The following TPRA1 variants were observed in gnomAD, a reference collection of about 807,000 sequenced individuals.
The protein encoded by TPRA1 is transmembrane protein adipocyte associated 1.
In TPRA1, 28 loss-of-function variants were observed where a neutral mutation model predicts 40.1. The ratio of observed to expected loss-of-function variants is 0.70; its 90% CI spans 0.52 to 0.96. The LOEUF is 0.96. Ranked by LOEUF, TPRA1 falls within the 40% of genes least tolerant of loss-of-function variation. The probability of loss-of-function intolerance (pLI) is 0.00; values close to 1 mark genes in which losing one functional copy is unlikely to be tolerated. For missense variants in TPRA1, 441 were observed against 482.6 expected, an observed-to-expected ratio of 0.91 and a Z score of 0.81; for synonymous variants, 219 against 209.7, an observed-to-expected ratio of 1.04 and a Z score of -0.38.
chr3:127,581,456 G>A (rs1361818475), intron 1 of TPRA1, among the ~76,000 whole-genome samples: 2 of 152,200 alleles, frequency 1.3e-5, no homozygotes, highest in African/African-American at 2.4e-5. Flanking sequence ...CAGACAGGGC[G>A]CCTTTGGGGA....
chr3:127,587,682 T>A, intron 1 of TPRA1, among the ~76,000 whole-genome samples: 1 of 150,936 alleles, frequency 6.6e-6, no homozygotes, highest in Non-Finnish European at 1.5e-5. Flanking sequence ...TTTCTTTTTT[T>A]TTTTTTTTTT....
chr3:127,577,362 A>G (rs771077546), intron 3 of TPRA1, among the ~76,000 whole-genome samples: 2 of 152,184 alleles, frequency 1.3e-5, no homozygotes, highest in Admixed American at 6.5e-5. Context: ...AGGAGTGCGC[A>G]TGGTGGAGCC....
chr3:127,589,937 G>A (rs2074117728), intron 1 of TPRA1, among the ~76,000 whole-genome samples: 1 of 152,216 alleles, frequency 6.6e-6, no homozygotes, highest in South Asian at 2.1e-4. Flanking sequence ...GCCCCCACCT[G>A]CATTCCCCGA....
At chr3:127,591,428 C>CT (rs901343001), upstream of TPRA1, among the ~76,000 whole-genome samples, 7 of 152,356 alleles carry the variant, frequency 4.6e-5, no homozygotes, top group South Asian at 6.2e-4. Context: ...CTCCCCAACT[C>CT]TAACTTCCAC....
rs967058188 is a variant in TPRA1, at chr3:127,576,158, A to G, written c.499-108T>C. ...CTAAGCTCTCCACCACACCAAGTTC[A>G]GCCTCTTGGCCTGACCCTCAACTCA... On this transcript the variant is annotated intron_variant, in intron 6 of 10. Transcript: ENST00000355552. This position sits in a 1 kb window ranked among gnomAD's most constrained non-coding sequence, Gnocchi z 4.6. 4 of 873,682 alleles carry G rather than the reference A, an allele frequency of 4.6e-6. No homozygotes were observed. Among genetic ancestry groups the G allele is most frequent in the Non-Finnish European group, 7.4e-6 (4 of 543,356 alleles). 54.1% of individuals were successfully genotyped at this position (873,682 alleles called of 1,614,324 possible). A position where few individuals can be genotyped will look rare whatever the true frequency, so the allele number is the denominator to read the frequency against.
chr3:127,581,982 G>A (rs1576381914), intron 1 of TPRA1, among the ~76,000 whole-genome samples: 1 of 151,932 alleles, frequency 6.6e-6, no homozygotes, highest in East Asian at 1.9e-4. Flanking sequence ...AAAGGCCCAG[G>A]CCTCCCCTTC....
chr3:127,593,518 G>A (rs1271934165), upstream of TPRA1, among the ~76,000 whole-genome samples: 3 of 152,122 alleles, frequency 2.0e-5, no homozygotes, highest in African/African-American at 7.2e-5. Context: ...GGGTGAGAGT[G>A]ATGGTAGTAA....
chr3:127,588,787 C>G (rs1256452290), intron 1 of TPRA1, among the ~76,000 whole-genome samples: 3 of 152,296 alleles, frequency 2.0e-5, no homozygotes, highest in Admixed American at 2.0e-4. Context: ...GTGCTTTACA[C>G]GTGGTGACAC....
intron 10 of TPRA1, 105 bp downstream of exon 10, chr3:127,575,078 GCA>G (rs2073543151): frequency 6.6e-6 from 8 of 1,217,160 alleles, no homozygotes; most frequent in Non-Finnish European, 9.4e-6. Context: ...GTGCGCATGC[GCA>G]CTGTATGCAT....
chr3:127,587,828 A>G (rs1263710098), intron 1 of TPRA1, among the ~76,000 whole-genome samples: 1 of 151,904 alleles, frequency 6.6e-6, no homozygotes. Context: ...CAGAGAAGAG[A>G]CTGAAGGGCA....
intron 1 of TPRA1, among the ~76,000 whole-genome samples, chr3:127,596,823 AC>A (rs1290455498): frequency 2.0e-5 from 3 of 151,642 alleles, no homozygotes; most frequent in Non-Finnish European, 4.4e-5. Flanking sequence ...ACACCTATAG[AC>A]CCCACTTCCT....
intron 1 of TPRA1, among the ~76,000 whole-genome samples, chr3:127,589,366 A>G (rs533544769): frequency 6.6e-6 from 1 of 151,810 alleles, no homozygotes; most frequent in South Asian, 2.1e-4. Flanking sequence ...AGGGGCCCTC[A>G]GTGCTTCCCA....
In TPRA1 at chr3:127,583,831, C is replaced by T. The variant is rs550203152; in HGVS notation, c.-17-3668G>A. 7.2e-4 allele frequency among the ~76,000 whole-genome samples: 109 copies of T among 152,112 alleles called. 1 individual carries two copies. Among genetic ancestry groups the T allele is most frequent in the African/African-American group, 2.5e-3 (104 of 41,532 alleles). ...GGCTACAGGCACGTGCCACCATACCCGGCTAATTTTTTGTATTTTAGTAGA... is the reference window on the plus strand; with the variant it reads ...GGCTACAGGCACGTGCCACCATACCTGGCTAATTTTTTGTATTTTAGTAGA... On this transcript the variant is annotated intron_variant, in intron 1 of 10. Transcript: ENST00000355552.
In TPRA1 at chr3:127,571,883, T is replaced by C. The variant is rs752968726; in HGVS notation, c.*1638A>G. 4.6e-5 allele frequency: 7 copies of C among 152,080 alleles called. No individual in the cohort carries two copies. The highest frequency in any genetic ancestry group is 2.6e-4 in the Admixed American group (4 of 15,256). The allele number at this position is 152,080 out of a possible 1,614,324, so 9.4% of individuals were successfully genotyped here. A position where few individuals can be genotyped will look rare whatever the true frequency, so the allele number is the denominator to read the frequency against. On this transcript the variant is annotated 3_prime_UTR_variant, in exon 11 of 11. Transcript: ENST00000355552. ...TTTTCTTCTGTTGATGCCTCTCTGC[T>C]CATTCACTGCAGCCAGCAAACTTCG... is the stretch of plus-strand genomic sequence containing the variant.
intron 1 of TPRA1, among the ~76,000 whole-genome samples, chr3:127,589,928 C>G (rs987549221): frequency 2.0e-5 from 3 of 152,224 alleles, no homozygotes; most frequent in African/African-American, 7.2e-5. Flanking sequence ...GCAAAGCCAG[C>G]CCCCACCTGC....
chr3:127,587,427 C>G (rs1006758017), intron 1 of TPRA1, among the ~76,000 whole-genome samples: 1 of 152,098 alleles, frequency 6.6e-6, no homozygotes. Context: ...CTGCCTAGGC[C>G]AGTTTGAGTC....
rs573233422 is a variant in TPRA1 at position 127,581,613 on chromosome 3, A to T, written c.-17-1450T>A. Reference sequence around the variant, plus strand: ...TCATAGGTGTACTTCAGTAAATTTTAAAAAGTAAAAAAGATGTGGCCGGGC... The same window carrying T: ...TCATAGGTGTACTTCAGTAAATTTTTAAAAGTAAAAAAGATGTGGCCGGGC... On this transcript the variant is annotated intron_variant, in intron 1 of 10. Coordinates refer to ENST00000355552, the MANE Select transcript of TPRA1 (RefSeq NM_001136053.4). Among the ~76,000 whole-genome samples, 102 of 152,198 alleles carry T rather than the reference A, an allele frequency of 6.7e-4. 1 individual carries two copies. Among genetic ancestry groups the T allele is most frequent in the African/African-American group, 2.3e-3 (97 of 41,526 alleles).
chr3:127,584,135 GAAA>G (rs111958840), intron 1 of TPRA1, among the ~76,000 whole-genome samples: 5 of 118,130 alleles, frequency 4.2e-5, no homozygotes, highest in Non-Finnish European at 9.0e-5. Flanking sequence ...AGCAAACTTG[GAAA>G]AAAAAAAAAA....
In TPRA1 at chr3:127,576,955, G is replaced by A. The variant is rs779305221; in HGVS notation, c.345+35C>T. 6.2e-7 allele frequency: 1 copy of A among 1,613,474 alleles called. No homozygotes were observed. Among genetic ancestry groups the A allele is most frequent in the Non-Finnish European group, 8.5e-7 (1 of 1,179,874 alleles). ...GCATCCCCAGCCCACCCCAGGCCAGGCCTCCCTGGCCTCCCTCAGAGGGCC... is the reference window on the plus strand; with the variant it reads ...GCATCCCCAGCCCACCCCAGGCCAGACCTCCCTGGCCTCCCTCAGAGGGCC... On this transcript the variant is annotated intron_variant, in intron 4 of 10. Coordinates refer to ENST00000355552, the MANE Select transcript of TPRA1 (RefSeq NM_001136053.4). This position sits in a 1 kb window ranked among gnomAD's most constrained non-coding sequence, Gnocchi z 4.6.
Sources: allele counts gnomAD v4.1 joint callset (sites outside exome capture counted in the v4.1 genomes callset), GRCh38; gene constraint gnomAD v4.1.1; non-coding constraint Gnocchi (gnomAD v3.1); transcripts MANE v1.5; gene names NCBI Gene and HGNC (gene_info 2026-07-23, HGNC 2026-07-21).